The following ARHGAP10 variants were observed in gnomAD, a reference collection of about 807,000 sequenced individuals.
ARHGAP10 encodes Rho GTPase activating protein 10.
In ARHGAP10, 87 loss-of-function variants were observed where a neutral mutation model predicts 108.6. The ratio of observed to expected loss-of-function variants is 0.80; its 90% confidence interval spans 0.67 to 0.96. ARHGAP10 has a LOEUF of 0.96. ARHGAP10 is among the 40% of genes least tolerant of loss of function. ARHGAP10 has a pLI of 0.00. For synonymous variants in ARHGAP10, 347 were observed against 341.1 expected (o/e 1.02, Z -0.19); for missense variants, 939 against 954.5 (o/e 0.98, Z 0.21).
Position 147,966,810 on chromosome 4 carries a change from G to A in ARHGAP10, c.1687G>A (p.Val563Met). Residue 563 changes from valine to methionine, a missense_variant, in exon 18 of 23, where the codon GTG becomes ATG. Physicochemically the swap from Val to Met is conservative, Grantham distance 21. Coordinates refer to ENST00000336498, the MANE Select transcript of ARHGAP10 (RefSeq NM_024605.4). Reference sequence around the variant, plus strand: ...GGACTTGAAGTTTCAGAATATTGTTGTGGAAATCTTAATTGAAAACCATGA... The same window carrying A: ...GGACTTGAAGTTTCAGAATATTGTTATGGAAATCTTAATTGAAAACCATGA... ...LMDLKFQNIVVEILIENHEKI... is the reference protein window; with the variant it reads ...LMDLKFQNIVMEILIENHEKI... 1.3e-6 allele frequency: 2 copies of A among 1,579,494 alleles called. No individual in the cohort carries two copies. Among genetic ancestry groups the A allele is most frequent in the Non-Finnish European group, 1.7e-6 (2 of 1,159,560 alleles).
chr4:147,789,116 A>T (rs1731010582), intron 1 of ARHGAP10, among the ~76,000 whole-genome samples: 1 of 152,196 alleles, frequency 6.6e-6, no homozygotes, highest in Non-Finnish European at 1.5e-5. Flanking sequence ...GGGAGTGAGC[A>T]CTGGGGAAGG....
chr4:148,040,871 G>A lies in ARHGAP10; in HGVS notation c.1868-6021G>A, dbSNP rs116305294. 8.0e-3 allele frequency among the ~76,000 whole-genome samples: 1,213 copies of A among 152,212 alleles called. 15 individuals are homozygous for A. The highest frequency in any genetic ancestry group is 0.028 in the African/African-American group (1,156 of 41,542). On this transcript the variant is annotated intron_variant, in intron 19 of 22. Coordinates refer to ENST00000336498, the MANE Select transcript of ARHGAP10 (RefSeq NM_024605.4). ...GAGGTAGGTTTCTCCTTAATATTCC[G>A]TCTTGGCTGAACATTTTCTGAATGA...
chr4:147,920,521 T>TA (rs1286385816), intron 13 of ARHGAP10, among the ~76,000 whole-genome samples: 5 of 152,144 alleles, frequency 3.3e-5, no homozygotes, highest in Non-Finnish European at 7.3e-5. Flanking sequence ...GCAGAAGACT[T>TA]ATCGTAGCTA....
intron 1 of ARHGAP10, among the ~76,000 whole-genome samples, chr4:147,800,875 A>C (rs1330091136): frequency 6.6e-6 from 1 of 152,132 alleles, no homozygotes; most frequent in Admixed American, 6.5e-5. Flanking sequence ...GCAGTGGCAC[A>C]ATCTTGTCTC....
chr4:147,958,519 C>A (rs1306387713), intron 16 of ARHGAP10, among the ~76,000 whole-genome samples: 5 of 152,152 alleles, frequency 3.3e-5, no homozygotes, highest in Non-Finnish European at 7.4e-5. Context: ...TTTTGATAAA[C>A]ATATCTGGGA....
At chr4:147,802,243 A>C (rs567513015) in intron 1 of ARHGAP10, among the ~76,000 whole-genome samples, 1 of 152,326 alleles carries the variant, frequency 6.6e-6, no homozygotes, top group African/African-American at 2.4e-5. Flanking sequence ...AATTAAACAT[A>C]CTGGGTTTTG....
At chr4:147,791,571 TTG>T (rs1731128221) in intron 1 of ARHGAP10, among the ~76,000 whole-genome samples, 2 of 148,182 alleles carry the variant, frequency 1.3e-5, no homozygotes, top group African/African-American at 5.3e-5. Flanking sequence ...TATATATATT[TTG>T]TTTGTTTGTT....
intron 13 of ARHGAP10, among the ~76,000 whole-genome samples, chr4:147,914,905 G>C (rs138455948): frequency 2.0e-5 from 3 of 152,188 alleles, no homozygotes; most frequent in Non-Finnish European, 4.4e-5. Context: ...CATTCCAGCA[G>C]ACTTTGGAGA....
At chr4:147,912,540 AACAAACAAATATAT>A (rs1736788115) in intron 12 of ARHGAP10, among the ~76,000 whole-genome samples, 1 of 130,922 alleles carries the variant, frequency 7.6e-6, no homozygotes, top group Non-Finnish European at 1.5e-5. Flanking sequence ...AAAACAAACA[AACAAACAAATATAT>A]ATATATATAT....
intron 20 of ARHGAP10, among the ~76,000 whole-genome samples, chr4:148,055,854 A>G (rs1425247478): frequency 6.6e-6 from 1 of 152,134 alleles, no homozygotes; most frequent in Non-Finnish European, 1.5e-5. Flanking sequence ...GGTCAGCCCC[A>G]GGCACGAACA....
intron 1 of ARHGAP10, among the ~76,000 whole-genome samples, chr4:147,786,838 C>T (rs1361438472): frequency 6.6e-6 from 1 of 152,214 alleles, no homozygotes; most frequent in Non-Finnish European, 1.5e-5. Flanking sequence ...GTCTTTCCTC[C>T]TGCCCTTTCT....
Position 147,879,269 on chromosome 4 carries a change from T to C in ARHGAP10, c.870T>C (p.Tyr290=). Residue 290 remains tyrosine, a synonymous_variant, in exon 9 of 23, where the codon TAT becomes TAC. Coordinates refer to ENST00000336498, the MANE Select transcript of ARHGAP10 (RefSeq NM_024605.4). ...APFGSSWVKH[Y]CMYRKAAKKF... ...TTGGTTCCAGTTGGGTCAAACACTATTGCATGTATCGAAAAGCAGCAAAGA... is the reference window on the plus strand; with the variant it reads ...TTGGTTCCAGTTGGGTCAAACACTACTGCATGTATCGAAAAGCAGCAAAGA... The C allele has an allele frequency of 1.2e-6, 2 of 1,614,110 alleles. No individual in the cohort carries two copies. The highest frequency in any genetic ancestry group is 2.2e-5 in the East Asian group (1 of 44,880).
At chr4:147,866,946 G>T in intron 7 of ARHGAP10, 130 bp downstream of exon 7, 1 of 737,700 alleles carries the variant, frequency 1.4e-6, no homozygotes, top group South Asian at 2.1e-5. Context: ...AGGGTATGCT[G>T]CCACCTGCTG....
intron 1 of ARHGAP10, among the ~76,000 whole-genome samples, chr4:147,748,519 C>G (rs1729020683): frequency 6.6e-6 from 1 of 151,958 alleles, no homozygotes; most frequent in African/African-American, 2.4e-5. Flanking sequence ...ATATTAAGTG[C>G]TCTTTCCACA....
intron 9 of ARHGAP10, among the ~76,000 whole-genome samples, chr4:147,880,480 G>A (rs1265095341): frequency 6.6e-6 from 1 of 152,186 alleles, no homozygotes; most frequent in Non-Finnish European, 1.5e-5. Context: ...GCCAGTTCAA[G>A]TCCTAAGATA....
intron 8 of ARHGAP10, among the ~76,000 whole-genome samples, chr4:147,876,388 C>G (rs972972838): frequency 1.3e-5 from 2 of 152,074 alleles, no homozygotes. Context: ...GTCAGGAGAT[C>G]GAGACCATCC....
chr4:147,746,023 C>T (rs1316926409), intron 1 of ARHGAP10, among the ~76,000 whole-genome samples: 1 of 151,678 alleles, frequency 6.6e-6, no homozygotes, highest in Admixed American at 6.6e-5. Context: ...CTCCTGACCT[C>T]GTGATCTTCC....
intron 1 of ARHGAP10, among the ~76,000 whole-genome samples, chr4:147,766,120 G>GA (rs1164521002): frequency 2.0e-5 from 3 of 151,310 alleles, no homozygotes; most frequent in Non-Finnish European, 3.0e-5. Flanking sequence ...GTCTTTACTG[G>GA]AAAAAAAATA....
At chr4:147,854,343 A>G (rs1031449834) in intron 4 of ARHGAP10, among the ~76,000 whole-genome samples, 1 of 152,194 alleles carries the variant, frequency 6.6e-6, no homozygotes, top group Admixed American at 6.5e-5. Flanking sequence ...AAGAGGCAAA[A>G]ATGTTCTGGC....
Sources: allele counts gnomAD v4.1 joint callset (sites outside exome capture counted in the v4.1 genomes callset), GRCh38; gene constraint gnomAD v4.1.1; transcripts MANE v1.5; gene names NCBI Gene and HGNC (gene_info 2026-07-23, HGNC 2026-07-21).